TLL1: variants seen among roughly 807,000 people sequenced by gnomAD.
TLL1 encodes the protein tolloid like 1.
In TLL1, 49 loss-of-function variants were observed where a neutral mutation model predicts 128.2. The ratio of observed to expected loss-of-function variants is 0.38; its 90% confidence interval spans 0.30 to 0.48. The LOEUF (loss-of-function observed/expected upper bound fraction) is 0.48, where lower values mean the gene tolerates loss of function less well. Ranked by LOEUF, TLL1 falls within the 20% of genes least tolerant of loss-of-function variation. TLL1 has a pLI of 0.96. For synonymous variants in TLL1, 454 were observed against 418.8 expected (o/e 1.08, Z -1.03); for missense variants, 1,123 against 1,242.0 (o/e 0.90, Z 1.44).
Position 165,951,948 on chromosome 4 carries a change from T to C in TLL1, c.170-37433T>C, listed in dbSNP as rs373467770. 1.3e-4 allele frequency among the ~76,000 whole-genome samples: 20 copies of C among 152,308 alleles called. 1 individual carries two copies. The highest frequency in any genetic ancestry group is 5.2e-4 in the Admixed American group (8 of 15,290). On this transcript the variant is annotated intron_variant, in intron 1 of 20. Coordinates refer to ENST00000061240, the MANE Select transcript of TLL1 (RefSeq NM_012464.5). ...AGTGCTAGAGCACTACTAATCTACT[T>C]TGTACCATTCTTTATGTGGCATTGT...
intron 9 of TLL1, among the ~76,000 whole-genome samples, chr4:166,031,363 C>CT (rs35799879): frequency 0.052 from 5,283 of 102,200 alleles, 405 homozygotes; most frequent in African/African-American, 0.12. Context: ...ATTGCAAGGT[C>CT]TTTTTTTTTT....
intron 1 of TLL1, among the ~76,000 whole-genome samples, chr4:165,879,699 T>C (rs1730893803): frequency 6.6e-6 from 1 of 151,982 alleles, no homozygotes; most frequent in Non-Finnish European, 1.5e-5. Flanking sequence ...AAATGAGGCA[T>C]TGCACATCCT....
chr4:166,056,496 T>C (rs546882365), intron 13 of TLL1, among the ~76,000 whole-genome samples: 17 of 152,142 alleles, frequency 1.1e-4, no homozygotes, highest in South Asian at 6.2e-4. Flanking sequence ...AAAATGTCTA[T>C]ATAAGAAACA....
intron 6 of TLL1, among the ~76,000 whole-genome samples, chr4:166,004,306 T>C (rs547765386): frequency 2.5e-4 from 38 of 152,280 alleles, no homozygotes; most frequent in African/African-American, 8.9e-4. Flanking sequence ...TAAAAATGTG[T>C]TTTTATTTTC....
At chr4:165,969,727 GT>G (rs1735549587) in intron 1 of TLL1, among the ~76,000 whole-genome samples, 1 of 152,086 alleles carries the variant, frequency 6.6e-6, no homozygotes, top group Admixed American at 6.5e-5. Flanking sequence ...CATTCTTGAT[GT>G]CATGAAAATA....
intron 12 of TLL1, among the ~76,000 whole-genome samples, chr4:166,051,568 T>G (rs1299884156): frequency 3.3e-5 from 5 of 152,156 alleles, no homozygotes; most frequent in Non-Finnish European, 7.4e-5. Context: ...AACTCAAATA[T>G]TCATTTGTGC....
At chr4:166,075,973 T>C (rs181740303) in intron 17 of TLL1, among the ~76,000 whole-genome samples, 124 of 152,330 alleles carry the variant, frequency 8.1e-4, no homozygotes, top group African/African-American at 2.9e-3. Flanking sequence ...TTCTCTGCTT[T>C]CATGGATAAG....
At chr4:165,919,753 C>T (rs138831989) in intron 1 of TLL1, 8 of 452,422 alleles carry the variant, frequency 1.8e-5, no homozygotes, top group Non-Finnish European at 3.6e-5. Flanking sequence ...TGTGGCCAGA[C>T]GTGGATGCAG....
chr4:166,092,801 G>A (rs1349909255), intron 19 of TLL1, among the ~76,000 whole-genome samples: 3 of 151,950 alleles, frequency 2.0e-5, no homozygotes, highest in African/African-American at 7.3e-5. Flanking sequence ...GATAACTGAG[G>A]TTCCATTATG....
chr4:165,983,027 G>GT (rs949428774), intron 1 of TLL1, among the ~76,000 whole-genome samples: 2 of 151,776 alleles, frequency 1.3e-5, no homozygotes, highest in African/African-American at 4.8e-5. Flanking sequence ...AAGAATGGAA[G>GT]TTTTTTTAAA....
rs372510414 is a variant in TLL1, at chr4:166,024,695, TG to T, written c.1043-620del. Among the ~76,000 whole-genome samples, 28 of 152,306 alleles carry T rather than the reference TG, an allele frequency of 1.8e-4. No homozygotes were observed. The East Asian group carries it at 4.4e-3, about 24-fold the overall frequency. ...CTTAGCAAGAGGAAAATACACAAAT[TG>T]CTTTTTTAGCAATTTCTGCTTAACC... is the stretch of plus-strand genomic sequence containing the variant. On this transcript the variant is annotated intron_variant, in intron 8 of 20. Coordinates refer to ENST00000061240, the MANE Select transcript of TLL1 (RefSeq NM_012464.5).
intron 18 of TLL1, among the ~76,000 whole-genome samples, chr4:166,080,083 C>T (rs1234582266): frequency 6.6e-6 from 1 of 152,088 alleles, no homozygotes; most frequent in Non-Finnish European, 1.5e-5. Context: ...AATTTATTTT[C>T]TCATAGTTCT....
intron 18 of TLL1, among the ~76,000 whole-genome samples, chr4:166,088,030 T>G (rs1274174684): frequency 6.6e-6 from 1 of 152,086 alleles, no homozygotes; most frequent in Non-Finnish European, 1.5e-5. Flanking sequence ...TGCTTTAAAG[T>G]TTTTTAATAC....
chr4:165,874,694 T>C (rs11946485), intron 1 of TLL1, among the ~76,000 whole-genome samples: 1 of 152,258 alleles, frequency 6.6e-6, no homozygotes, highest in Admixed American at 6.5e-5. Flanking sequence ...AAAATGTTTT[T>C]AAGTTGCTAC....
At chr4:165,977,285 G>T (rs376774500) in intron 1 of TLL1, among the ~76,000 whole-genome samples, 2 of 152,052 alleles carry the variant, frequency 1.3e-5, no homozygotes, top group Admixed American at 6.6e-5. Context: ...GTGAGTTCTT[G>T]TGAGAGTGAG....
chr4:165,946,710 C>T lies in TLL1; in HGVS notation c.170-42671C>T, dbSNP rs369599681. ...TTTTCGTTTCTGAAGTAGGGTGCTT[C>T]AGCAACAAATACATAAAAATGCATG... On this transcript the variant is annotated intron_variant, in intron 1 of 20. Coordinates refer to ENST00000061240, the MANE Select transcript of TLL1 (RefSeq NM_012464.5). Among the ~76,000 whole-genome samples the T allele has an allele frequency of 1.3e-4, 20 of 152,068 alleles. 1 individual carries two copies. The highest frequency in any genetic ancestry group is 5.2e-4 in the Admixed American group (8 of 15,268).
At chr4:165,917,932 G>A (rs543601814) in intron 1 of TLL1, among the ~76,000 whole-genome samples, 8 of 152,148 alleles carry the variant, frequency 5.3e-5, no homozygotes, top group East Asian at 1.9e-4. Flanking sequence ...TATCATTAGC[G>A]TAACTTTAAA....
At chr4:165,933,761 T>G (rs1733639806) in intron 1 of TLL1, among the ~76,000 whole-genome samples, 1 of 151,994 alleles carries the variant, frequency 6.6e-6, no homozygotes, top group Non-Finnish European at 1.5e-5. Context: ...CACAGACACT[T>G]CCCTCCCAGA....
chr4:165,979,991 G>T (rs1343708097), intron 1 of TLL1, among the ~76,000 whole-genome samples: 1 of 152,122 alleles, frequency 6.6e-6, no homozygotes, highest in Non-Finnish European at 1.5e-5. Flanking sequence ...GTTTTGGTTA[G>T]ATGTGAAAAC....
Sources: allele counts gnomAD v4.1 joint callset (sites outside exome capture counted in the v4.1 genomes callset), GRCh38; gene constraint gnomAD v4.1.1; transcripts MANE v1.5; gene names NCBI Gene and HGNC (gene_info 2026-07-23, HGNC 2026-07-21).